The following BMP1 variants were observed in gnomAD, a reference collection of about 807,000 sequenced individuals.
The protein encoded by BMP1 is mammalian tolloid protein.
Under a neutral mutation model 116.8 loss-of-function variants are expected in BMP1, and 63 were observed. The observed-to-expected ratio is 0.54, with a 90% confidence interval of 0.44 to 0.67. The LOEUF (loss-of-function observed/expected upper bound fraction) is 0.67, where lower values mean the gene tolerates loss of function less well. Among genes scored for constraint, BMP1 ranks in the 30% least tolerant of loss-of-function variants. The pLI, the probability that BMP1 is intolerant of heterozygous loss-of-function variation, is 0.00. For missense variants in BMP1, 1,183 were observed against 1,358.9 expected (o/e 0.87, Z 2.04); for synonymous variants, 536 against 533.4 (o/e 1.00, Z -0.07).
chr8:22,167,314 G>C (rs988280342), intron 1 of BMP1, among the ~76,000 whole-genome samples: 10 of 152,170 alleles, frequency 6.6e-5, no homozygotes, highest in African/African-American at 2.4e-4. Context: ...AGGGACCCAA[G>C]ACACCTACAG....
At chr8:22,185,828 CTTT>C (rs71204540) in intron 8 of BMP1, among the ~76,000 whole-genome samples, 1 of 80,950 alleles carries the variant, frequency 1.2e-5, no homozygotes. Context: ...CACTGTCTTT[CTTT>C]TTTTTTTTTT....
chr8:22,205,409 A>T (rs1267228945), intron 16 of BMP1, among the ~76,000 whole-genome samples: 1 of 152,154 alleles, frequency 6.6e-6, no homozygotes, highest in Non-Finnish European at 1.5e-5. Flanking sequence ...TCAGCCCTGC[A>T]GTCAGTTAAG....
intron 17 of BMP1, 136 bp downstream of exon 17, chr8:22,207,117 G>A: frequency 6.9e-7 from 1 of 1,451,682 alleles, no homozygotes; most frequent in Non-Finnish European, 9.3e-7. Flanking sequence ...CTGGACAGAG[G>A]CCCCTTTCCC....
At chr8:22,196,933 C>CG in intron 14 of BMP1, 93 bp downstream of exon 14, 1 of 1,424,784 alleles carries the variant, frequency 7.0e-7, no homozygotes, top group African/African-American at 1.4e-5. Flanking sequence ...AGAGGGGGCC[C>CG]GGCAGAAACA....
rs562384419 is a variant in BMP1 at position 22,176,073 on chromosome 8, A to C, written c.263-70A>C. 4.4e-5 allele frequency: 66 copies of C among 1,494,044 alleles called. No homozygotes were observed. The Admixed American group carries it at 9.9e-4, about 23-fold the overall frequency. 92.5% of individuals were successfully genotyped at this position (1,494,044 alleles called of 1,614,324 possible). On this transcript the variant is annotated intron_variant, in intron 2 of 19. Transcript: ENST00000306385. ...GCAAGCACAGAATCCATGAAAAATG[A>C]GGTTTGACTATGCTTTTGCTTTCCT...
Position 22,196,631 on chromosome 8 carries a change from C to T in BMP1, c.1766-49C>T, listed in dbSNP as rs376914284. On this transcript the variant is annotated intron_variant, in intron 13 of 19. Transcript: ENST00000306385. ...TCCCAGCCCACATCTCAGCCCTTCC[C>T]CATGGCAGGGGCTCCCCGCAGACGA... The T allele has an allele frequency of 2.1e-4, 336 of 1,611,596 alleles. 1 individual carries two copies. The highest frequency in any genetic ancestry group is 2.0e-3 in the Middle Eastern group (11 of 5,474).
intron 16 of BMP1, among the ~76,000 whole-genome samples, chr8:22,205,425 C>T (rs566444268): frequency 7.2e-5 from 11 of 152,136 alleles, no homozygotes; most frequent in East Asian, 1.9e-4. Flanking sequence ...TTAAGTCAAT[C>T]GAGGAGGAAA....
At chr8:22,165,882 C>T (rs866413402) in intron 1 of BMP1, among the ~76,000 whole-genome samples, 169 of 131,416 alleles carry the variant, frequency 1.3e-3, no homozygotes, top group African/African-American at 3.6e-3. Flanking sequence ...CCTGTGCGTG[C>T]GTGTGTGTGT....
Position 22,201,793 on chromosome 8 carries a change from T to C in BMP1, c.2108-10T>C, listed in dbSNP as rs1829268962. 1 of 1,612,728 alleles carries C rather than the reference T, an allele frequency of 6.2e-7. No homozygotes were observed. Among genetic ancestry groups the C allele is most frequent in the Non-Finnish European group, 8.5e-7 (1 of 1,179,890 alleles). On this transcript the variant is annotated splice_polypyrimidine_tract_variant and intron_variant, in intron 15 of 19. Transcript: ENST00000306385. ...AGACCCAGCGTCTGCCCTTATTTGC[T>C]CCCCTGCAGACAAGGACGAGTGCTC...
intron 8 of BMP1, 76 bp downstream of exon 8, chr8:22,180,559 G>C: frequency 7.5e-7 from 1 of 1,324,656 alleles, no homozygotes; most frequent in Non-Finnish European, 1.1e-6. Context: ...CCCACAGTGG[G>C]GGTCAATATG....
chr8:22,188,389 C>G (rs1238486371), intron 8 of BMP1, among the ~76,000 whole-genome samples: 1 of 152,134 alleles, frequency 6.6e-6, no homozygotes, highest in Non-Finnish European at 1.5e-5. Flanking sequence ...AGGCTGGTCT[C>G]AAACTCCTGA....
intron 16 of BMP1, among the ~76,000 whole-genome samples, chr8:22,205,783 T>C (rs375508916): frequency 6.6e-5 from 10 of 152,106 alleles, no homozygotes; most frequent in Admixed American, 2.6e-4. Context: ...TTTGTTTTTG[T>C]TTTTTAATTT....
intron 16 of BMP1, among the ~76,000 whole-genome samples, chr8:22,206,491 G>C (rs1333623206): frequency 1.3e-5 from 2 of 148,722 alleles, no homozygotes; most frequent in African/African-American, 2.5e-5. Flanking sequence ...AACAGAGCGA[G>C]ACTCCATCTC....
intron 8 of BMP1, among the ~76,000 whole-genome samples, chr8:22,187,961 A>C (rs912139043): frequency 4.6e-5 from 7 of 152,170 alleles, no homozygotes; most frequent in Admixed American, 2.0e-4. Flanking sequence ...CGGCAAGGTC[A>C]GATTGAAGCC....
intron 1 of BMP1, among the ~76,000 whole-genome samples, chr8:22,172,937 C>G (rs534465942): frequency 3.3e-5 from 5 of 152,158 alleles, no homozygotes; most frequent in African/African-American, 9.6e-5. Context: ...CATAGACACC[C>G]CCTTAGTTAA....
Position 22,194,001 on chromosome 8 carries a change from C to T in BMP1, c.1181-57C>T. ...ACCCAAGCCTCCTGGAGAGGTGGGGCCTCTATAGGGGGTGTCCTCAGGGTT... is the reference window on the plus strand; with the variant it reads ...ACCCAAGCCTCCTGGAGAGGTGGGGTCTCTATAGGGGGTGTCCTCAGGGTT... On this transcript the variant is annotated intron_variant, in intron 9 of 19. Transcript: ENST00000306385. This position sits in a 1 kb window ranked among gnomAD's most constrained non-coding sequence, Gnocchi z 4.5. The T allele has an allele frequency of 4.2e-6, 6 of 1,421,262 alleles. No homozygotes were observed. Among genetic ancestry groups the T allele is most frequent in the South Asian group, 1.2e-5 (1 of 86,146 alleles). The allele number at this position is 1,421,262 out of a possible 1,614,324, so 88.0% of individuals were successfully genotyped here.
Position 22,179,955 on chromosome 8 carries a change from G to A in BMP1, c.961+126G>A. On this transcript the variant is annotated intron_variant, in intron 7 of 19. Transcript: ENST00000306385. The surrounding 1 kb of genome is among the most constrained non-coding windows in gnomAD (Gnocchi z 4.6). Reference sequence around the variant, plus strand: ...TTAGAGAATGGTGTGGCGGGGGAGGGGACCCCATAGGAGGGGCAGTGTCCA... The same window carrying A: ...TTAGAGAATGGTGTGGCGGGGGAGGAGACCCCATAGGAGGGGCAGTGTCCA... 3 of 1,100,662 alleles carry A rather than the reference G, an allele frequency of 2.7e-6. No homozygotes were observed. In the South Asian group the frequency reaches 4.8e-5, roughly 18 times the overall value. The allele number at this position is 1,100,662 out of a possible 1,614,324, so 68.2% of individuals were successfully genotyped here.
At chr8:22,197,159 G>A in intron 14 of BMP1, 81 bp from the exon 15 acceptor site, 2 of 1,535,618 alleles carry the variant, frequency 1.3e-6, no homozygotes, top group African/African-American at 1.4e-5. Context: ...AGGATGTGCA[G>A]AACAGAGAGC....
chr8:22,206,361 A>G (rs891511216), intron 16 of BMP1, among the ~76,000 whole-genome samples: 19 of 152,046 alleles, frequency 1.2e-4, no homozygotes, highest in Non-Finnish European at 2.5e-4. Context: ...AATTAGCCAG[A>G]GATGGTGGCG....
Sources: gnomAD v4.1 joint callset for allele counts (sites outside exome capture counted in the v4.1 genomes callset) on GRCh38, gnomAD v4.1.1 for gene constraint, Gnocchi (gnomAD v3.1) non-coding constraint, MANE v1.5 for transcripts, NCBI Gene and HGNC (gene_info 2026-07-23, HGNC 2026-07-21) for gene names.